DZANK1: variants seen among roughly 807,000 people sequenced by gnomAD.
The protein encoded by DZANK1 is double zinc ribbon and ankyrin repeat domains 1, also known as double zinc ribbon and ankyrin repeat-containing protein 1.
A neutral mutation model predicts 94.5 loss-of-function variants in DZANK1; 91 were observed. The observed-to-expected ratio is 0.96, with a 90% CI of 0.81 to 1.15. DZANK1 has a LOEUF of 1.15. Ranked by LOEUF, DZANK1 falls within the 50% of genes most tolerant of loss-of-function variation. DZANK1 has a pLI of 0.00. For synonymous variants in DZANK1, 312 were observed against 325.3 expected (o/e 0.96, Z 0.44); for missense variants, 903 against 916.4 (o/e 0.99, Z 0.19).
chr20:18,393,623 T>A (rs2056147605), intron 17 of DZANK1, 88 bp downstream of exon 17: 6 of 841,426 alleles, frequency 7.1e-6, no homozygotes, highest in Admixed American at 5.6e-5. Context: ...AATGAGAAAT[T>A]ATTCTTCCAT....
rs376831230 is a variant in DZANK1, at chr20:18,390,898, T to C, written c.1810-439A>G. On this transcript the variant is annotated intron_variant, in intron 17 of 20. Transcript: ENST00000262547. ...ACGAATGAGCCAATAAATTGACTTC[T>C]TCTTTAGAAAAAAAAGGAGGGGCAT... Among the ~76,000 whole-genome samples, 7 of 152,158 alleles carry C rather than the reference T, an allele frequency of 4.6e-5. 1 individual carries two copies. The East Asian group carries it at 1.3e-3, about 29-fold the overall frequency.
chr20:18,451,320 T>A (rs1209170161), intron 6 of DZANK1, among the ~76,000 whole-genome samples: 1 of 152,208 alleles, frequency 6.6e-6, no homozygotes, highest in Non-Finnish European at 1.5e-5. Flanking sequence ...TCTGTCTTTA[T>A]CTAATTAGAA....
chr20:18,460,396 G>C, intron 2 of DZANK1, 90 bp from the exon 3 acceptor site: 1 of 954,830 alleles, frequency 1.0e-6, no homozygotes, highest in East Asian at 2.8e-5. Context: ...ATCTAAGTGT[G>C]TGATTTAAGA....
chr20:18,390,494 T>C (rs1050835999), intron 17 of DZANK1, 35 bp from the exon 18 acceptor site: 1 of 1,585,556 alleles, frequency 6.3e-7, no homozygotes, highest in Admixed American at 1.7e-5. Context: ...TTTCCCCCAC[T>C]TCAAAATATT....
chr20:18,404,112 G>C (rs6136361), intron 13 of DZANK1, among the ~76,000 whole-genome samples: 1 of 151,558 alleles, frequency 6.6e-6, no homozygotes, highest in African/African-American at 2.4e-5. Flanking sequence ...AACTTTCTTA[G>C]AACATTATGA....
At chr20:18,383,573 A>G (rs1464751028) in exon 21 of DZANK1, 1 of 152,236 alleles carries the variant, frequency 6.6e-6, no homozygotes, top group East Asian at 1.9e-4. Flanking sequence ...ATTTGTTTTA[A>G]AAGAGGGGAA....
intron 17 of DZANK1, among the ~76,000 whole-genome samples, chr20:18,392,679 C>A (rs1357728127): frequency 6.6e-6 from 1 of 152,212 alleles, no homozygotes; most frequent in Non-Finnish European, 1.5e-5. Context: ...ATTTTTAAAA[C>A]ACAAAACTCT....
intron 8 of DZANK1, among the ~76,000 whole-genome samples, chr20:18,436,219 T>C (rs1030168538): frequency 3.9e-5 from 6 of 152,022 alleles, no homozygotes; most frequent in African/African-American, 1.4e-4. Flanking sequence ...GGAAGCACAA[T>C]AGAGAGACAG....
chr20:18,436,818 G>C (rs1386841104), intron 8 of DZANK1, among the ~76,000 whole-genome samples: 1 of 152,168 alleles, frequency 6.6e-6, no homozygotes, highest in Non-Finnish European at 1.5e-5. Flanking sequence ...AGAAAATACT[G>C]AAAGTAGCAA....
rs901874459 is a variant in DZANK1 at position 18,441,748 on chromosome 20, A to G, written c.747+1599T>C. ...CAATGAAACTCATTAGGAATTCCTCATCTAGGGAACTGGCAGAACATGTTG... is the reference window on the plus strand; with the variant it reads ...CAATGAAACTCATTAGGAATTCCTCGTCTAGGGAACTGGCAGAACATGTTG... On this transcript the variant is annotated intron_variant, in intron 8 of 20. Coordinates refer to ENST00000262547, the Ensembl canonical transcript of DZANK1. The surrounding 1 kb of genome is among the most constrained non-coding windows in gnomAD (Gnocchi z 4.1). Among the ~76,000 whole-genome samples, 1 of 152,232 alleles carries G rather than the reference A, an allele frequency of 6.6e-6. No homozygotes were observed. Among genetic ancestry groups the G allele is most frequent in the Admixed American group, 6.5e-5 (1 of 15,290 alleles).
intron 9 of DZANK1, among the ~76,000 whole-genome samples, chr20:18,431,298 G>C (rs183891196): frequency 1.4e-4 from 22 of 152,216 alleles, no homozygotes; most frequent in African/African-American, 5.1e-4. Flanking sequence ...ACACAAGACT[G>C]CAACTACCAT....
intron 14 of DZANK1, among the ~76,000 whole-genome samples, chr20:18,398,050 G>A (rs993767152): frequency 2.0e-5 from 3 of 152,138 alleles, no homozygotes; most frequent in Non-Finnish European, 4.4e-5. Context: ...AGGAATTTGT[G>A]GTTATTTTTT....
intron 17 of DZANK1, among the ~76,000 whole-genome samples, chr20:18,391,165 T>C (rs2055957124): frequency 6.6e-6 from 1 of 152,148 alleles, no homozygotes; most frequent in Non-Finnish European, 1.5e-5. Flanking sequence ...CACTCCAGCC[T>C]GGGCAACACA....
intron 19 of DZANK1, among the ~76,000 whole-genome samples, chr20:18,388,476 C>T (rs1469469959): frequency 6.6e-6 from 1 of 152,232 alleles, no homozygotes; most frequent in Non-Finnish European, 1.5e-5. Flanking sequence ...ACGCTGCTTA[C>T]ACTTCAATTC....
chr20:18,417,808 G>A (rs2057562896), intron 10 of DZANK1, among the ~76,000 whole-genome samples: 2 of 152,060 alleles, frequency 1.3e-5, no homozygotes, highest in Non-Finnish European at 2.9e-5. Context: ...ATAATAGGCC[G>A]GGTGTGGTGG....
intron 13 of DZANK1, among the ~76,000 whole-genome samples, chr20:18,402,572 C>G: frequency 6.6e-6 from 1 of 152,154 alleles, no homozygotes. Context: ...AGAAGTAATG[C>G]AAACTCTGGA....
chr20:18,461,801 T>C (rs1039660084), intron 2 of DZANK1, among the ~76,000 whole-genome samples: 3 of 152,140 alleles, frequency 2.0e-5, no homozygotes, highest in Admixed American at 6.5e-5. Context: ...GGTTTTGCCA[T>C]GTTGGCCAAG....
intron 8 of DZANK1, 195 bp from the exon 9 acceptor site, chr20:18,433,960 AT>A: frequency 1.8e-6 from 1 of 547,348 alleles, no homozygotes; most frequent in Non-Finnish European, 3.2e-6. Context: ...TTGTAAAACA[AT>A]TTTTTAAATA....
chr20:18,457,202 C>T (rs1283426401), intron 3 of DZANK1, among the ~76,000 whole-genome samples: 9 of 152,114 alleles, frequency 5.9e-5, no homozygotes, highest in Admixed American at 3.9e-4. Context: ...TGGCAGGGCA[C>T]GGTGGCTCAC....
Sources: gnomAD v4.1 joint callset for allele counts (sites outside exome capture counted in the v4.1 genomes callset) on GRCh38, gnomAD v4.1.1 for gene constraint, Gnocchi (gnomAD v3.1) non-coding constraint, MANE v1.5 for transcripts, NCBI Gene and HGNC (gene_info 2026-07-23, HGNC 2026-07-21) for gene names.